The following GRM7 variants were observed in gnomAD, a reference collection of about 807,000 sequenced individuals.
The protein encoded by GRM7 is glutamate metabotropic receptor 7, also known as metabotropic glutamate receptor 7.
GRM7 carries 35 observed loss-of-function variants against 84.5 expected under a neutral mutation model. The observed-to-expected ratio is 0.41, with a 90% CI of 0.32 to 0.55. GRM7 has a LOEUF of 0.55. GRM7 is among the 20% of genes least tolerant of loss of function. The probability of loss-of-function intolerance (pLI) is 0.19; values close to 1 mark genes in which losing one functional copy is unlikely to be tolerated. For missense variants in GRM7, 1,003 were observed against 1,194.6 expected (o/e 0.84, Z 2.36); for synonymous variants, 487 against 455.1 (o/e 1.07, Z -0.89).
intron 1 of GRM7, among the ~76,000 whole-genome samples, chr3:7,117,745 C>T (rs2125040877): frequency 6.6e-6 from 1 of 152,288 alleles, no homozygotes; most frequent in Admixed American, 6.5e-5. Context: ...AATCCTTAGT[C>T]AATCGAGGCC....
intron 1 of GRM7, among the ~76,000 whole-genome samples, chr3:6,871,707 A>T (rs1025625726): frequency 6.6e-6 from 1 of 152,152 alleles, no homozygotes; most frequent in African/African-American, 2.4e-5. Context: ...CAACACATCT[A>T]TGATTTTATT....
intron 2 of GRM7, among the ~76,000 whole-genome samples, chr3:7,191,128 C>T (rs757777718): frequency 6.6e-6 from 1 of 151,948 alleles, no homozygotes; most frequent in Non-Finnish European, 1.5e-5. Flanking sequence ...TAATATTAGC[C>T]ATGGCAATGA....
chr3:7,384,167 A>G (rs1694697042), intron 4 of GRM7, among the ~76,000 whole-genome samples: 1 of 152,054 alleles, frequency 6.6e-6, no homozygotes, highest in African/African-American at 2.4e-5. Context: ...TAGCTGGGAC[A>G]GTAGGCACAC....
chr3:7,321,290 A>G (rs1700771454), intron 4 of GRM7, among the ~76,000 whole-genome samples: 1 of 152,090 alleles, frequency 6.6e-6, no homozygotes, highest in South Asian at 2.1e-4. Context: ...AAATTTAGAT[A>G]AGAATCCTAT....
At chr3:7,433,341 G>A (rs184551298) in intron 5 of GRM7, among the ~76,000 whole-genome samples, 25 of 152,276 alleles carry the variant, frequency 1.6e-4, no homozygotes, top group African/African-American at 4.3e-4. Context: ...CCAGAGCTCC[G>A]TGTTCTTTCT....
At chr3:6,940,920 G>C (rs937035646) in intron 1 of GRM7, among the ~76,000 whole-genome samples, 6 of 152,236 alleles carry the variant, frequency 3.9e-5, no homozygotes, top group Non-Finnish European at 7.3e-5. Flanking sequence ...ACACACTGCA[G>C]CTGGCTGCTG....
chr3:7,438,649 C>A (rs982370733), intron 5 of GRM7, among the ~76,000 whole-genome samples: 1 of 152,048 alleles, frequency 6.6e-6, no homozygotes, highest in Non-Finnish European at 1.5e-5. Context: ...CTACCTAACA[C>A]GGAGGTAGCC....
chr3:7,295,404 A>C (rs2125016759), intron 2 of GRM7, among the ~76,000 whole-genome samples: 1 of 152,288 alleles, frequency 6.6e-6, no homozygotes, highest in South Asian at 2.1e-4. Flanking sequence ...CTTGAAAGTA[A>C]GTCTTAAACT....
chr3:7,353,294 A>G (rs1233384754), intron 4 of GRM7, among the ~76,000 whole-genome samples: 3 of 152,118 alleles, frequency 2.0e-5, no homozygotes, highest in African/African-American at 7.2e-5. Flanking sequence ...AAATCCAGGA[A>G]ACATGTAACC....
In GRM7 at chr3:6,946,778, A is replaced by T. The variant is rs116574919; in HGVS notation, c.519+84871A>T. ...TTCTAGGTCCTTCACATCCCTTGTA[A>T]GTTGGAATCCTATGTATTTTATTCT... On this transcript the variant is annotated intron_variant, in intron 1 of 9. Coordinates refer to ENST00000357716, the MANE Select transcript of GRM7 (RefSeq NM_000844.4). 7.3e-3 allele frequency among the ~76,000 whole-genome samples: 1,117 copies of T among 152,208 alleles called. 21 individuals carry two copies. The highest frequency in any genetic ancestry group is 0.025 in the African/African-American group (1,053 of 41,524).
chr3:6,990,622 T>G (rs1488072731), intron 1 of GRM7, among the ~76,000 whole-genome samples: 1 of 152,132 alleles, frequency 6.6e-6, no homozygotes, highest in East Asian at 1.9e-4. Flanking sequence ...GTTTTCATTA[T>G]CTGTCAAACC....
At chr3:7,519,676 TA>T (rs1170674666) in intron 7 of GRM7, 2 of 152,206 alleles carry the variant, frequency 1.3e-5, no homozygotes, top group African/African-American at 2.4e-5. Context: ...TGTTTCTCAG[TA>T]ACAGTTACCT....
chr3:6,892,215 C>A (rs555076228), intron 1 of GRM7, among the ~76,000 whole-genome samples: 1 of 152,090 alleles, frequency 6.6e-6, no homozygotes, highest in East Asian at 1.9e-4. Context: ...ACACTCAAGT[C>A]CTATATTTTG....
intron 7 of GRM7, among the ~76,000 whole-genome samples, chr3:7,575,583 T>C (rs921614695): frequency 3.3e-5 from 5 of 152,220 alleles, no homozygotes; most frequent in African/African-American, 9.6e-5. Flanking sequence ...ATACAAATGA[T>C]ATACATCACA....
At chr3:7,483,809 G>A (rs1249045288) in intron 7 of GRM7, among the ~76,000 whole-genome samples, 3 of 151,674 alleles carry the variant, frequency 2.0e-5, no homozygotes, top group Non-Finnish European at 4.4e-5. Context: ...TATATATATT[G>A]TTATATATTG....
intron 2 of GRM7, among the ~76,000 whole-genome samples, chr3:7,162,728 CATTTTTTTTTTTTTTTTTTTTTT>C (rs1694665999): frequency 1.8e-5 from 1 of 57,102 alleles, no homozygotes; most frequent in Non-Finnish European, 4.0e-5. Context: ...TCCCATTTTT[CATTTTTTTTTTTTTTTTTTTTTT>C]TTTTTTTTTT....
intron 4 of GRM7, among the ~76,000 whole-genome samples, chr3:7,344,769 G>A (rs923377589): frequency 6.6e-6 from 1 of 152,094 alleles, no homozygotes; most frequent in Non-Finnish European, 1.5e-5. Context: ...AGGCTCAGAA[G>A]GTTAGGGGAG....
intron 4 of GRM7, among the ~76,000 whole-genome samples, chr3:7,395,247 T>C (rs569127107): frequency 6.6e-6 from 1 of 152,306 alleles, no homozygotes; most frequent in South Asian, 2.1e-4. Flanking sequence ...AAATTGTATC[T>C]ATGTATTCAC....
intron 1 of GRM7, among the ~76,000 whole-genome samples, chr3:6,876,202 C>T (rs538970700): frequency 1.3e-5 from 2 of 151,244 alleles, no homozygotes; most frequent in African/African-American, 2.4e-5. Context: ...CGGGAGGCAG[C>T]GGTAGCAATG....
Sources: gnomAD v4.1 joint callset for allele counts (sites outside exome capture counted in the v4.1 genomes callset) on GRCh38, gnomAD v4.1.1 for gene constraint, MANE v1.5 for transcripts, NCBI Gene and HGNC (gene_info 2026-07-23, HGNC 2026-07-21) for gene names.